Variants in CSGALNACT1 observed in about 807,000 individuals in gnomAD.
CSGALNACT1 encodes beta4GalNAcT-1.
In CSGALNACT1, 52 loss-of-function variants were observed where a neutral mutation model predicts 51.0. The ratio of observed to expected loss-of-function variants is 1.02; its 90% CI spans 0.82 to 1.29. CSGALNACT1 has a LOEUF of 1.29. CSGALNACT1 is among the 50% of genes most tolerant of loss of function. CSGALNACT1 has a pLI of 0.00. For missense variants in CSGALNACT1, 935 were observed against 679.2 expected (o/e 1.38, Z -4.19); for synonymous variants, 341 against 254.4 (o/e 1.34, Z -3.24).
At chr8:19,684,954 T>C (rs1448329690), upstream of CSGALNACT1, among the ~76,000 whole-genome samples, 2 of 152,236 alleles carry the variant, frequency 1.3e-5, no homozygotes, top group East Asian at 3.8e-4. Context: ...CCATCCCTGT[T>C]CCCACACTTT....
intron 1 of CSGALNACT1, among the ~76,000 whole-genome samples, chr8:19,655,145 G>A (rs2058146646): frequency 6.6e-6 from 1 of 152,070 alleles, no homozygotes; most frequent in Non-Finnish European, 1.5e-5. Flanking sequence ...TCATTTTCCT[G>A]GAATGGTGCA....
At chr8:19,447,860 A>C (rs1046525192) in intron 5 of CSGALNACT1, among the ~76,000 whole-genome samples, 1 of 152,188 alleles carries the variant, frequency 6.6e-6, no homozygotes, top group Non-Finnish European at 1.5e-5. Flanking sequence ...GCTACAAAAA[A>C]CGTGAGGCTT....
chr8:19,414,434 C>G (rs2056478696), intron 8 of CSGALNACT1, among the ~76,000 whole-genome samples: 1 of 152,190 alleles, frequency 6.6e-6, no homozygotes, highest in Admixed American at 6.5e-5. Flanking sequence ...TCATTCCTTT[C>G]TCAGCGAACT....
chr8:19,677,000 G>C (rs1023440183), intron 1 of CSGALNACT1, among the ~76,000 whole-genome samples: 15 of 152,114 alleles, frequency 9.9e-5, no homozygotes, highest in Non-Finnish European at 1.9e-4. Flanking sequence ...AGAGACAAAA[G>C]TCAAACTAAA....
chr8:19,433,980 C>T (rs2060010033), intron 6 of CSGALNACT1, among the ~76,000 whole-genome samples: 2 of 152,130 alleles, frequency 1.3e-5, no homozygotes, highest in Admixed American at 6.5e-5. Flanking sequence ...GTTGAATTTC[C>T]AGCTTACCAG....
chr8:19,582,003 A>G (rs998812612), intron 3 of CSGALNACT1, among the ~76,000 whole-genome samples: 3 of 152,240 alleles, frequency 2.0e-5, no homozygotes, highest in African/African-American at 7.2e-5. Flanking sequence ...ATGATCACCT[A>G]CCAGCCCAGG....
At chr8:19,524,239 T>A (rs2081250801) in intron 3 of CSGALNACT1, among the ~76,000 whole-genome samples, 1 of 152,018 alleles carries the variant, frequency 6.6e-6, no homozygotes, top group African/African-American at 2.4e-5. Context: ...ACAGCAAGGA[T>A]CACACCATCT....
At chr8:19,507,528 GAAAAAAAAA>G (rs35759799) in intron 3 of CSGALNACT1, among the ~76,000 whole-genome samples, 3 of 74,886 alleles carry the variant, frequency 4.0e-5, no homozygotes, top group South Asian at 4.4e-4. Context: ...ATCTTAGCCA[GAAAAAAAAA>G]AAAAAAAAAA....
chr8:19,467,797 C>A (rs942809362), intron 4 of CSGALNACT1, among the ~76,000 whole-genome samples: 1 of 152,106 alleles, frequency 6.6e-6, no homozygotes, highest in African/African-American at 2.4e-5. Flanking sequence ...TCAGCCTGGG[C>A]AACATGGTGA....
intron 8 of CSGALNACT1, among the ~76,000 whole-genome samples, chr8:19,417,030 T>C (rs1461184969): frequency 2.6e-5 from 4 of 152,046 alleles, no homozygotes; most frequent in Non-Finnish European, 5.9e-5. Context: ...TAATTTTTTA[T>C]TTTTTAGTAG....
intron 3 of CSGALNACT1, among the ~76,000 whole-genome samples, chr8:19,540,496 T>C (rs776268607): frequency 2.6e-5 from 4 of 152,236 alleles, no homozygotes; most frequent in Non-Finnish European, 4.4e-5. Flanking sequence ...ACACTTGTTT[T>C]GAATAAATGC....
chr8:19,747,601 T>A lies in CSGALNACT1; in HGVS notation c.-297+10249A>T, dbSNP rs1036379187. 6.6e-5 allele frequency among the ~76,000 whole-genome samples: 10 copies of A among 152,242 alleles called. No individual in the cohort carries two copies. The East Asian group carries it at 1.7e-3, about 26-fold the overall frequency. On this transcript the variant is annotated intron_variant, in intron 1 of 1. Coordinates refer to the CSGALNACT1 transcript ENST00000517494. ...AGCTTACTCGATCCAACAAAGTGAC[T>A]ATTTTCTGCTCAGATTTCGGCTTCA...
At chr8:19,587,078 G>A (rs1332847292) in intron 3 of CSGALNACT1, among the ~76,000 whole-genome samples, 1 of 152,180 alleles carries the variant, frequency 6.6e-6, no homozygotes, top group Non-Finnish European at 1.5e-5. Context: ...TGGCCTTAGG[G>A]CTTTGCTGAC....
chr8:19,420,527 C>A lies in CSGALNACT1; in HGVS notation c.954-9G>T. On this transcript the variant is annotated splice_polypyrimidine_tract_variant and intron_variant, in intron 6 of 9. Coordinates refer to ENST00000454498, the Ensembl canonical transcript of CSGALNACT1. ...TCCTGAAGTTGGCAGCTCTGAAAGGCAAGACCAGGTACTGTCACTCACATT... is the reference window on the plus strand; with the variant it reads ...TCCTGAAGTTGGCAGCTCTGAAAGGAAAGACCAGGTACTGTCACTCACATT... The A allele has an allele frequency of 6.2e-7, 1 of 1,613,532 alleles. No individual in the cohort carries two copies. Among genetic ancestry groups the A allele is most frequent in the Non-Finnish European group, 8.5e-7 (1 of 1,179,908 alleles).
chr8:19,700,355 A>G (rs570107046), intron 1 of CSGALNACT1, among the ~76,000 whole-genome samples: 2 of 152,266 alleles, frequency 1.3e-5, no homozygotes, highest in South Asian at 4.1e-4. Flanking sequence ...ATGTGTTGCC[A>G]TGGTGTCCTT....
At chr8:19,523,792 C>G (rs141026628) in intron 3 of CSGALNACT1, among the ~76,000 whole-genome samples, 57 of 152,138 alleles carry the variant, frequency 3.7e-4, no homozygotes, top group Middle Eastern at 3.4e-3. Context: ...TGGGGAGTGG[C>G]AAGGACAGTT....
In CSGALNACT1 at chr8:19,756,095, C is replaced by T. The variant is rs1290611485; in HGVS notation, c.-297+1755G>A. On this transcript the variant is annotated intron_variant, in intron 1 of 1. Coordinates refer to the CSGALNACT1 transcript ENST00000517494. Reference sequence around the variant, plus strand: ...CAAGTTTGAAGGACCTTTCTCCCTCCAATTAGCAACATTTCAGCACTGCAC... The same window carrying T: ...CAAGTTTGAAGGACCTTTCTCCCTCTAATTAGCAACATTTCAGCACTGCAC... Among the ~76,000 whole-genome samples the T allele has an allele frequency of 2.0e-5, 3 of 152,158 alleles. No individual in the cohort carries two copies. The East Asian group carries it at 5.8e-4, about 29-fold the overall frequency.
At chr8:19,503,523 T>G (rs1015252961) in intron 4 of CSGALNACT1, among the ~76,000 whole-genome samples, 2 of 152,158 alleles carry the variant, frequency 1.3e-5, no homozygotes, top group South Asian at 4.1e-4. Context: ...CTGCTCTGTA[T>G]GTGGGCAGCT....
At position 19,590,992 on chromosome 8, in the gene CSGALNACT1, A is replaced by G. The variant is rs2047690917; in HGVS notation, c.-297+168T>C. ...TAGCCATTAGGTATTTCCTTTGTTC[A>G]AGGGATACTGGAAAAATTAATGAGA... is the stretch of plus-strand genomic sequence containing the variant. On this transcript the variant is annotated intron_variant, in intron 3 of 9. Transcript: ENST00000454498. Among the ~76,000 whole-genome samples, 4 of 152,138 alleles carry G rather than the reference A, an allele frequency of 2.6e-5. No homozygotes were observed. In the South Asian group the frequency reaches 8.3e-4, roughly 32 times the overall value.
Sources: allele counts gnomAD v4.1 joint callset (sites outside exome capture counted in the v4.1 genomes callset), GRCh38; gene constraint gnomAD v4.1.1; transcripts MANE v1.5; gene names NCBI Gene and HGNC (gene_info 2026-07-23, HGNC 2026-07-21).